Variants in RAB4B observed in about 807,000 individuals in gnomAD.
RAB4B encodes the protein ras-related protein Rab-4B.
A neutral mutation model predicts 28.3 loss-of-function variants in RAB4B; 15 were observed. The ratio of observed to expected loss-of-function variants is 0.53; its 90% confidence interval spans 0.35 to 0.82. The LOEUF is 0.82. Among genes scored for constraint, RAB4B ranks in the 40% least tolerant of loss-of-function variants. The pLI is 0.01. For missense variants in RAB4B, 244 were observed against 288.5 expected, an observed-to-expected ratio of 0.85 and a Z score of 1.12; for synonymous variants, 108 against 116.3, an observed-to-expected ratio of 0.93 and a Z score of 0.46.
At chr19:40,779,598 C>A in intron 1 of RAB4B, 1 of 187,546 alleles carries the variant, frequency 5.3e-6, no homozygotes, top group Non-Finnish European at 1.1e-5. Context: ...ACAGAATTAG[C>A]TGAGTGTGGT....
chr19:40,792,774 CT>C (rs113629077), intron 7 of RAB4B, among the ~76,000 whole-genome samples: 6 of 151,476 alleles, frequency 4.0e-5, no homozygotes, highest in Admixed American at 2.6e-4. Flanking sequence ...AGAATGTTTT[CT>C]TTTTTTTTCT....
chr19:40,786,861 G>T lies in RAB4B; in HGVS notation c.540G>T (p.Pro180=). 1 of 1,614,120 alleles carries T rather than the reference G, an allele frequency of 6.2e-7. No homozygotes were observed. Among genetic ancestry groups the T allele is most frequent in the Non-Finnish European group, 8.5e-7 (1 of 1,180,016 alleles). ...CCTTCCCCACAGGCGAGCTAGACCC[G>T]GAGAGGATGGGCTCTGGCATTCAGT... ...LNKIDSGELD[P]ERMGSGIQYG... is the part of the protein sequence containing the mutation. The change falls in exon 7 of 8, where the codon CCG becomes CCT. Residue 180 remains proline, a synonymous_variant. Transcript: ENST00000357052.
rs549278420 is a variant in RAB4B, at chr19:40,790,067, G to C, written c.*15+3089G>C. On this transcript the variant is annotated intron_variant, in intron 7 of 7. Transcript: ENST00000357052. ...AGGAAGCAGATCAGTTAGGGCCTGT[G>C]GGCCCTGGGGAGGCCTCTGGCTTAT... 2.0e-5 allele frequency among the ~76,000 whole-genome samples: 3 copies of C among 152,340 alleles called. No individual in the cohort carries two copies. In the East Asian group the frequency reaches 5.8e-4, roughly 29 times the overall value.
intron 7 of RAB4B, among the ~76,000 whole-genome samples, chr19:40,792,952 C>T (rs1029020378): frequency 1.3e-5 from 2 of 151,770 alleles, no homozygotes; most frequent in African/African-American, 4.8e-5. Context: ...GGCTAATTTT[C>T]GTATTTTTAG....
At chr19:40,794,087 TTTTTGAG>T (rs1474302132) in intron 7 of RAB4B, among the ~76,000 whole-genome samples, 1 of 151,700 alleles carries the variant, frequency 6.6e-6, no homozygotes, top group Non-Finnish European at 1.5e-5. Context: ...TTATTATTAT[TTTTTGAG>T]ATGGAGTTTC....
intron 7 of RAB4B, among the ~76,000 whole-genome samples, chr19:40,793,478 T>C (rs913622014): frequency 2.6e-5 from 4 of 151,836 alleles, no homozygotes; most frequent in African/African-American, 9.7e-5. Flanking sequence ...TGAGCTCAAG[T>C]GATCCACCCA....
At chr19:40,793,577 T>TG (rs1568496126) in intron 7 of RAB4B, among the ~76,000 whole-genome samples, 5 of 119,824 alleles carry the variant, frequency 4.2e-5, no homozygotes, top group South Asian at 3.1e-4. Flanking sequence ...TTTTTGTTTT[T>TG]TTTTTTTTTT....
Position 40,780,026 on chromosome 19 carries a change from C to T in RAB4B, c.24C>T (p.Leu8=). 6.2e-7 allele frequency: 1 copy of T among 1,611,928 alleles called. No homozygotes were observed. The highest frequency in any genetic ancestry group is 8.5e-7 in the Non-Finnish European group (1 of 1,177,962). Residue 8 remains leucine (L), a synonymous_variant, in exon 2 of 8, where the codon CTC becomes CTT. Coordinates refer to ENST00000357052, the MANE Select transcript of RAB4B (RefSeq NM_016154.5). Reference sequence around the variant, plus strand: ...TTGGCTCCATCTGGTCAGACTTCCTCTTCAAATTCCTGGTGATTGGCAGTG... The same window carrying T: ...TTGGCTCCATCTGGTCAGACTTCCTTTTCAAATTCCTGGTGATTGGCAGTG... MAETYDF[L]FKFLVIGSAG... is the part of the protein sequence containing the mutation.
chr19:40,795,369 T>TTTTATTTATTTA (rs10594318), intron 7 of RAB4B, among the ~76,000 whole-genome samples: 64 of 145,654 alleles, frequency 4.4e-4, no homozygotes, highest in African/African-American at 1.3e-3. Context: ...GGCAGGTTCA[T>TTTTATTTATTTA]TTTATTTATT....
intron 7 of RAB4B, among the ~76,000 whole-genome samples, chr19:40,791,791 G>A (rs1215601436): frequency 1.3e-5 from 2 of 151,922 alleles, no homozygotes; most frequent in Non-Finnish European, 2.9e-5. Context: ...GGCCACCAAC[G>A]CCTGGCAAAG....
chr19:40,791,836 C>T (rs1399884185), intron 7 of RAB4B, among the ~76,000 whole-genome samples: 1 of 152,114 alleles, frequency 6.6e-6, no homozygotes, highest in African/African-American at 2.4e-5. Flanking sequence ...GGTTTCACCA[C>T]GTTGGCCAGC....
chr19:40,789,634 G>C (rs891531269), intron 7 of RAB4B, among the ~76,000 whole-genome samples: 4 of 151,802 alleles, frequency 2.6e-5, no homozygotes, highest in South Asian at 4.1e-4. Flanking sequence ...CTCCCGAGTA[G>C]CTGGGACTAT....
intron 7 of RAB4B, among the ~76,000 whole-genome samples, chr19:40,790,412 C>G (rs1030420395): frequency 2.4e-4 from 37 of 151,696 alleles, no homozygotes; most frequent in African/African-American, 8.7e-4. Flanking sequence ...GCTCTGTCAC[C>G]CAGGCTGGAG....
chr19:40,785,781 C>G (rs1460177813), intron 5 of RAB4B: 1 of 152,946 alleles, frequency 6.5e-6, no homozygotes, highest in Non-Finnish European at 1.5e-5. Context: ...GGAGACAGCC[C>G]TAGGCCCAAC....
At chr19:40,780,782 T>C (rs1195699048) in intron 3 of RAB4B, among the ~76,000 whole-genome samples, 1 of 151,648 alleles carries the variant, frequency 6.6e-6, no homozygotes, top group Non-Finnish European at 1.5e-5. Flanking sequence ...GCCCAGGAGT[T>C]TGAGACCAGC....
intron 7 of RAB4B, among the ~76,000 whole-genome samples, chr19:40,793,565 C>CTTTTTTTTTTTTTTTTT (rs1269603015): frequency 2.4e-5 from 3 of 123,844 alleles, no homozygotes; most frequent in South Asian, 2.7e-4. Flanking sequence ...CTTTTCTTTT[C>CTTTTTTTTTTTTTTTTT]TTTTTTGTTT....
chr19:40,789,491 C>CGCACCTGGCCAAGAGTGTACATTTAAACA, intron 7 of RAB4B, among the ~76,000 whole-genome samples: 1 of 148,982 alleles, frequency 6.7e-6, no homozygotes, highest in East Asian at 2.0e-4. Context: ...CGGGAGCCAC[C>CGCACCTGGCCAAGAGTGTACATTTAAACA]ACGCCCAGCC....
At chr19:40,779,697 C>T (rs974524539) in intron 1 of RAB4B, 2 of 310,404 alleles carry the variant, frequency 6.4e-6, no homozygotes, top group Non-Finnish European at 1.2e-5. Flanking sequence ...GAGCCGAGAT[C>T]GCGCCATTGC....
In RAB4B at chr19:40,780,352, C is replaced by T. The variant is rs192755590; in HGVS notation, c.98-33C>T. 33 of 1,560,768 alleles carry T rather than the reference C, an allele frequency of 2.1e-5. No homozygotes were observed. In the African/African-American group the frequency reaches 3.9e-4, roughly 19 times the overall value. Reference sequence around the variant, plus strand: ...ATCCTCTGAGCTGTCTCCTCTCTCCCTGTACTGCCCCTTCTGTTCCTCCTA... The same window carrying T: ...ATCCTCTGAGCTGTCTCCTCTCTCCTTGTACTGCCCCTTCTGTTCCTCCTA... On this transcript the variant is annotated intron_variant, in intron 2 of 7. Coordinates refer to ENST00000357052, the MANE Select transcript of RAB4B (RefSeq NM_016154.5).
Sources: allele counts gnomAD v4.1 joint callset (sites outside exome capture counted in the v4.1 genomes callset), GRCh38; gene constraint gnomAD v4.1.1; transcripts MANE v1.5; gene names NCBI Gene and HGNC (gene_info 2026-07-23, HGNC 2026-07-21).